RCOR2: variants seen among roughly 807,000 people sequenced by gnomAD.
The protein encoded by RCOR2 is REST corepressor 2.
Under a neutral mutation model 58.9 loss-of-function variants are expected in RCOR2, and 19 were observed. The ratio of observed to expected loss-of-function variants is 0.32; its 90% confidence interval spans 0.23 to 0.47. The LOEUF is 0.47. Ranked by LOEUF, RCOR2 falls within the 20% of genes least tolerant of loss-of-function variation. The pLI, the probability that RCOR2 is intolerant of heterozygous loss-of-function variation, is 1.00. For synonymous variants in RCOR2, 286 were observed against 278.7 expected (o/e 1.03, Z -0.26); for missense variants, 590 against 707.9 (o/e 0.83, Z 1.89).
At chr11:63,914,390 A>G in intron 6 of RCOR2, 27 bp downstream of exon 6, 1 of 1,613,136 alleles carries the variant, frequency 6.2e-7, no homozygotes, top group Non-Finnish European at 8.5e-7. Context: ...ACCTACCCCC[A>G]TGCCCAGTGC....
At chr11:63,926,081 T>C in the RCOR2 span, among the ~76,000 whole-genome samples, 1 of 152,040 alleles carries the variant, frequency 6.6e-6, no homozygotes, top group Non-Finnish European at 1.5e-5. Context: ...GGCTAATTTT[T>C]TGTATTTTTA....
the RCOR2 span, among the ~76,000 whole-genome samples, chr11:63,926,547 C>T: frequency 6.8e-6 from 1 of 146,950 alleles, no homozygotes; most frequent in African/African-American, 2.5e-5. Flanking sequence ...TCAGCAGTGA[C>T]GTGATCTCGG....
At chr11:63,917,258 G>C (rs554489153), upstream of RCOR2, among the ~76,000 whole-genome samples, 1 of 151,820 alleles carries the variant, frequency 6.6e-6, no homozygotes, top group Non-Finnish European at 1.5e-5. Context: ...CCTGGGGTGG[G>C]AGGGAGGGCC....
chr11:63,922,922 C>T, the RCOR2 span, among the ~76,000 whole-genome samples: 6 of 152,140 alleles, frequency 3.9e-5, no homozygotes, highest in Admixed American at 6.5e-5. Context: ...GGGTGCTCTG[C>T]TCTGCCAGGG....
chr11:63,926,224 C>T, the RCOR2 span, among the ~76,000 whole-genome samples: 1 of 151,786 alleles, frequency 6.6e-6, no homozygotes, highest in Non-Finnish European at 1.5e-5. Flanking sequence ...ACCTCTGGAC[C>T]TTTTAGTTAT....
intron 1 of RCOR2, 130 bp from the exon 2 acceptor site, chr11:63,915,741 C>T (rs1415394980): frequency 2.1e-5 from 16 of 775,974 alleles, no homozygotes; most frequent in Non-Finnish European, 3.3e-5. Flanking sequence ...TTCCAGGAGG[C>T]TCACTTTTCC....
intron 5 of RCOR2, 52 bp downstream of exon 5, chr11:63,914,603 T>G: frequency 6.2e-7 from 1 of 1,609,644 alleles, no homozygotes; most frequent in Non-Finnish European, 8.5e-7. Context: ...GGTAAGCTCT[T>G]CAGAAAGGAG....
chr11:63,914,828 C>A lies in RCOR2; in HGVS notation c.319-12G>T. The A allele has an allele frequency of 6.3e-7, 1 of 1,583,656 alleles. No individual in the cohort carries two copies. The highest frequency in any genetic ancestry group is 1.1e-5 in the South Asian group (1 of 89,054). Reference sequence around the variant, plus strand: ...AGCATGCCCAGCGCCTGGCCCGGGGCAAGGGGCAGCTGAGCCTGAGCTGCC... The same window carrying A: ...AGCATGCCCAGCGCCTGGCCCGGGGAAAGGGGCAGCTGAGCCTGAGCTGCC... On this transcript the variant is annotated splice_polypyrimidine_tract_variant and intron_variant, in intron 4 of 11. Transcript: ENST00000301459.
chr11:63,917,057 C>T lies in RCOR2; in HGVS notation c.-601G>A, dbSNP rs1941869267. Among the ~76,000 whole-genome samples the T allele has an allele frequency of 1.3e-5, 2 of 149,498 alleles. 1 individual carries two copies. The highest frequency in any genetic ancestry group is 4.1e-4 in the South Asian group (2 of 4,824). On this transcript the variant is annotated 5_prime_UTR_variant, in exon 1 of 12. Coordinates refer to ENST00000301459, the MANE Select transcript of RCOR2 (RefSeq NM_173587.4). Reference sequence around the variant, plus strand: ...TGCCGGGAGGCGGGCGGAGCGCAGCCGCGGGTGCCGCCTCGCACCCTCCCC... The same window carrying T: ...TGCCGGGAGGCGGGCGGAGCGCAGCTGCGGGTGCCGCCTCGCACCCTCCCC...
intron 8 of RCOR2, among the ~76,000 whole-genome samples, chr11:63,913,486 G>C (rs1333225705): frequency 1.2e-5 from 1 of 81,938 alleles, no homozygotes; most frequent in Admixed American, 1.8e-4. Flanking sequence ...CACCGTGCTC[G>C]GCCTATTTTT....
rs1261072350 is a variant in RCOR2 at position 63,914,639 on chromosome 11, G to T, written c.480+16C>A. On this transcript the variant is annotated intron_variant, in intron 5 of 11. Transcript: ENST00000301459. ...GGGCAGAGGAGCGCCGGGGAGTGGG[G>T]GTGGAAGGGCTTTACCATCTGCTGG... The T allele has an allele frequency of 6.2e-7, 1 of 1,604,544 alleles. No individual in the cohort carries two copies. Among genetic ancestry groups the T allele is most frequent in the Non-Finnish European group, 8.5e-7 (1 of 1,174,860 alleles).
At chr11:63,912,228 C>T in intron 11 of RCOR2, 49 bp from the exon 12 acceptor site, 1 of 1,602,444 alleles carries the variant, frequency 6.2e-7, no homozygotes, top group East Asian at 2.2e-5. Context: ...CGCCCTCAGC[C>T]CAGTCTAAGG....
upstream of RCOR2, among the ~76,000 whole-genome samples, chr11:63,921,589 T>C (rs1055082128): frequency 6.6e-6 from 1 of 152,258 alleles, no homozygotes; most frequent in South Asian, 2.1e-4. Flanking sequence ...ACTTGGCTTC[T>C]CTGAGCCTCA....
Position 63,914,411 on chromosome 11 carries a change from C to T in RCOR2, c.605+6G>A. ...CCCCATGCCCAGTGCTTGCTCCTGC[C>T]CCCACCTGTCTTCTTTGTCCTTGCG... is the stretch of plus-strand genomic sequence containing the variant. On this transcript the variant is annotated splice_donor_region_variant and intron_variant, in intron 6 of 11. Coordinates refer to ENST00000301459, the MANE Select transcript of RCOR2 (RefSeq NM_173587.4). The T allele has an allele frequency of 3.1e-6, 5 of 1,613,390 alleles. No individual in the cohort carries two copies. Among genetic ancestry groups the T allele is most frequent in the Non-Finnish European group, 4.2e-6 (5 of 1,180,018 alleles).
Position 63,915,479 on chromosome 11 carries a change from G to T in RCOR2, c.184+76C>A, listed in dbSNP as rs549088485. ...GCCCTTCCAGGGGAGCCAATCAAGG[G>T]CGCCCCAGGTGGGGCTGCAGGCCAA... is the stretch of plus-strand genomic sequence containing the variant. On this transcript the variant is annotated intron_variant, in intron 2 of 11. Coordinates refer to ENST00000301459, the MANE Select transcript of RCOR2 (RefSeq NM_173587.4). The T allele has an allele frequency of 3.1e-5, 45 of 1,461,496 alleles. No individual in the cohort carries two copies. The African/African-American group carries it at 5.0e-4, about 16-fold the overall frequency. The allele number at this position is 1,461,496 out of a possible 1,614,324, so 90.5% of individuals were successfully genotyped here. A position where few individuals can be genotyped will look rare whatever the true frequency, so the allele number is the denominator to read the frequency against.
rs1405313376 is a variant in RCOR2, at chr11:63,916,573, A to C, written c.-117T>G. 12 of 1,439,022 alleles carry C rather than the reference A, an allele frequency of 8.3e-6. No individual in the cohort carries two copies. The highest frequency in any genetic ancestry group is 1.0e-5 in the Non-Finnish European group (11 of 1,097,016). 89.1% of individuals were successfully genotyped at this position (1,439,022 alleles called of 1,614,324 possible). On this transcript the variant is annotated 5_prime_UTR_variant, in exon 1 of 12. Coordinates refer to ENST00000301459, the MANE Select transcript of RCOR2 (RefSeq NM_173587.4). ...TGGAGAGGTCGCCACTGAGGTTAGG[A>C]GAGGCAGGAGGTCAGCGTGGCTAGG...
At chr11:63,918,227 C>G (rs1020230581), upstream of RCOR2, among the ~76,000 whole-genome samples, 25 of 152,148 alleles carry the variant, frequency 1.6e-4, no homozygotes. Flanking sequence ...CTCTCCCTTC[C>G]CTTCCTGGTC....
the RCOR2 span, among the ~76,000 whole-genome samples, chr11:63,926,068 C>T: frequency 6.6e-6 from 1 of 152,156 alleles, no homozygotes; most frequent in East Asian, 1.9e-4. Context: ...CACCACCATG[C>T]CCGGCTAATT....
rs1941841408 is a variant in RCOR2, at chr11:63,915,403, G to A, written c.185-145C>T. On this transcript the variant is annotated intron_variant, in intron 2 of 11. Transcript: ENST00000301459. The stretch of plus-strand genomic sequence containing the variant: ...GAGGGGCAGAGACCCAGACAGGAAG[G>A]CAGGGCAGGAAAGCAAACCATGCTG... 92 of 1,090,116 alleles carry A rather than the reference G, an allele frequency of 8.4e-5. 1 individual carries two copies. In the South Asian group the frequency reaches 1.2e-3, roughly 14 times the overall value. The allele number at this position is 1,090,116 out of a possible 1,614,324, so 67.5% of individuals were successfully genotyped here. A position where few individuals can be genotyped will look rare whatever the true frequency, so the allele number is the denominator to read the frequency against.
Sources: gnomAD v4.1 joint callset for allele counts (sites outside exome capture counted in the v4.1 genomes callset) on GRCh38, gnomAD v4.1.1 for gene constraint, MANE v1.5 for transcripts, NCBI Gene and HGNC (gene_info 2026-07-23, HGNC 2026-07-21) for gene names.